Variants in VAT1L observed in about 807,000 individuals in gnomAD.
VAT1L encodes vesicle amine transport 1 like.
A neutral mutation model predicts 44.1 loss-of-function variants in VAT1L; 34 were observed. The ratio of observed to expected loss-of-function variants is 0.77; its 90% CI spans 0.59 to 1.03. The LOEUF (loss-of-function observed/expected upper bound fraction) is 1.03, where lower values mean the gene tolerates loss of function less well. Among genes scored for constraint, VAT1L ranks in the 50% least tolerant of loss-of-function variants. VAT1L has a pLI of 0.00. For synonymous variants in VAT1L, 253 were observed against 202.2 expected (o/e 1.25, Z -2.13); for missense variants, 615 against 538.8 (o/e 1.14, Z -1.40).
chr16:77,888,268 G>A (rs149932054), intron 7 of VAT1L, among the ~76,000 whole-genome samples: 1 of 152,090 alleles, frequency 6.6e-6, no homozygotes, highest in Admixed American at 6.5e-5. Context: ...TTATTTCTCA[G>A]CTTGCTTAGA....
chr16:77,969,947 T>C (rs2018261033), intron 7 of VAT1L, among the ~76,000 whole-genome samples: 1 of 149,736 alleles, frequency 6.7e-6, no homozygotes, highest in Non-Finnish European at 1.5e-5. Flanking sequence ...GCACAGTGGC[T>C]CATGCCTGTC....
intron 7 of VAT1L, among the ~76,000 whole-genome samples, chr16:77,970,768 G>C (rs2018270362): frequency 6.6e-6 from 1 of 152,210 alleles, no homozygotes; most frequent in Non-Finnish European, 1.5e-5. Context: ...CATTTTAATA[G>C]CTGTGTCAAG....
At position 77,884,413 on chromosome 16, in the gene VAT1L, ACT is replaced by A. The variant is rs1356259545; in HGVS notation, c.883-193_883-192del. 6.6e-6 allele frequency among the ~76,000 whole-genome samples: 1 copy of A among 151,640 alleles called. No homozygotes were observed. Among genetic ancestry groups the A allele is most frequent in the Non-Finnish European group, 1.5e-5 (1 of 67,910 alleles). On this transcript the variant is annotated intron_variant, in intron 6 of 8. Transcript: ENST00000302536. The surrounding 1 kb of genome is among the most constrained non-coding windows in gnomAD (Gnocchi z 4.5). ...ACTCCAGCCTGGGCTACAGAGTGAG[ACT>A]CCATCTCAAAAAATAAAAATAAAAA...
At chr16:77,969,667 A>G (rs2018258266) in intron 7 of VAT1L, among the ~76,000 whole-genome samples, 1 of 151,976 alleles carries the variant, frequency 6.6e-6, no homozygotes, top group African/African-American at 2.4e-5. Flanking sequence ...CTTTTGCTCT[A>G]TTCTGTTGCT....
chr16:77,827,788 G>A (rs2016540147), intron 3 of VAT1L, among the ~76,000 whole-genome samples: 1 of 152,004 alleles, frequency 6.6e-6, no homozygotes, highest in Non-Finnish European at 1.5e-5. Flanking sequence ...CTTTCTCTGT[G>A]GTTTCTCATA....
At chr16:77,804,994 A>T (rs983564580) in intron 1 of VAT1L, among the ~76,000 whole-genome samples, 3 of 152,140 alleles carry the variant, frequency 2.0e-5, no homozygotes, top group Non-Finnish European at 4.4e-5. Flanking sequence ...CTTATCTTAA[A>T]ATAGTGGTTA....
intron 8 of VAT1L, among the ~76,000 whole-genome samples, chr16:77,972,219 G>A (rs565491389): frequency 6.6e-6 from 1 of 152,262 alleles, no homozygotes; most frequent in East Asian, 1.9e-4. Flanking sequence ...GCTAGCTCTT[G>A]GGAGAAATTC....
Position 77,938,277 on chromosome 16 carries a change from G to A in VAT1L, c.1078-33573G>A, listed in dbSNP as rs1352060498. Among the ~76,000 whole-genome samples, 5 of 152,192 alleles carry A rather than the reference G, an allele frequency of 3.3e-5. No individual in the cohort carries two copies. In the East Asian group the frequency reaches 9.6e-4, roughly 29 times the overall value. ...TTGCCTGCTGGATCCTGATTCAACA[G>A]ATATTTATTGAATTCCAACTATTTA... On this transcript the variant is annotated intron_variant, in intron 7 of 8. Coordinates refer to ENST00000302536, the MANE Select transcript of VAT1L (RefSeq NM_020927.3).
intron 1 of VAT1L, among the ~76,000 whole-genome samples, chr16:77,789,597 AG>A (rs2015795686): frequency 1.3e-5 from 2 of 152,104 alleles, no homozygotes; most frequent in African/African-American, 2.4e-5. Context: ...AGGAAGGAAG[AG>A]GGTCGGTACC....
In VAT1L at chr16:77,884,659, G is replaced by C. The variant is rs1404293535; in HGVS notation, c.934G>C (p.Val312Leu). Residue 312 changes from valine (V) to leucine (L), a missense_variant, in exon 7 of 9, where the codon GTC becomes CTC. Val to Leu is a conservative substitution (Grantham distance 32, BLOSUM62 1). Transcript: ENST00000302536. This position sits in a 1 kb window ranked among gnomAD's most constrained non-coding sequence, Gnocchi z 4.5. The part of the protein sequence containing the change: ...NPIKLYEENK[V>L]IAGFSLLNLL... ...CATCAAGCTGTATGAGGAGAACAAA[G>C]TCATCGCGGGGTTTTCCCTTTTAAA... 6.2e-7 allele frequency: 1 copy of C among 1,613,576 alleles called. No individual in the cohort carries two copies. Among genetic ancestry groups the C allele is most frequent in the Non-Finnish European group, 8.5e-7 (1 of 1,179,840 alleles).
chr16:77,892,973 G>A (rs408084), intron 7 of VAT1L: 663,000 of 718,576 alleles, frequency 0.92, 307,175 homozygotes, highest in Non-Finnish European at 0.95. Flanking sequence ...AGCTCAGGAG[G>A]GTACCCTCCA....
chr16:77,881,171 G>A (rs941260579), intron 6 of VAT1L, among the ~76,000 whole-genome samples: 2 of 152,196 alleles, frequency 1.3e-5, no homozygotes, highest in Non-Finnish European at 2.9e-5. Context: ...CTCCCCAACA[G>A]GGGATTGCTG....
intron 7 of VAT1L, among the ~76,000 whole-genome samples, chr16:77,904,182 T>C (rs1047006700): frequency 6.9e-6 from 1 of 145,460 alleles, no homozygotes; most frequent in South Asian, 2.3e-4. Context: ...GTTACTGATT[T>C]GCTTTTTTTT....
chr16:77,889,721 T>C (rs1004773477), intron 7 of VAT1L, among the ~76,000 whole-genome samples: 1 of 152,214 alleles, frequency 6.6e-6, no homozygotes, highest in African/African-American at 2.4e-5. Context: ...AATTAGACAA[T>C]AACTTAGTAT....
In VAT1L at chr16:77,956,738, G is replaced by A. The variant is rs147908626; in HGVS notation, c.1078-15112G>A. Among the ~76,000 whole-genome samples, 21 of 152,260 alleles carry A rather than the reference G, an allele frequency of 1.4e-4. No individual in the cohort carries two copies. In the East Asian group the frequency reaches 2.9e-3, roughly 21 times the overall value. On this transcript the variant is annotated intron_variant, in intron 7 of 8. Transcript: ENST00000302536. ...GCTTTAGACAAAGTGGGGGAGAACC[G>A]GCTTTTGATAAGAACACTTTGGTTG...
chr16:77,940,487 G>GCA (rs1328606114), intron 7 of VAT1L, among the ~76,000 whole-genome samples: 1 of 151,854 alleles, frequency 6.6e-6, no homozygotes, highest in Non-Finnish European at 1.5e-5. Flanking sequence ...GGGATTACAG[G>GCA]CACGTGCTAC....
At chr16:77,791,178 G>A (rs1270191343) in intron 1 of VAT1L, among the ~76,000 whole-genome samples, 1 of 152,186 alleles carries the variant, frequency 6.6e-6, no homozygotes, top group Non-Finnish European at 1.5e-5. Context: ...CATGATCATT[G>A]ATTATAAGTT....
chr16:77,808,249 G>A (rs933220358), intron 1 of VAT1L, among the ~76,000 whole-genome samples: 2 of 152,068 alleles, frequency 1.3e-5, no homozygotes, highest in African/African-American at 4.8e-5. Context: ...GAGGGATCTA[G>A]GTTGTGTACT....
intron 3 of VAT1L, among the ~76,000 whole-genome samples, chr16:77,835,221 G>A (rs1398592288): frequency 6.6e-6 from 1 of 152,156 alleles, no homozygotes; most frequent in Admixed American, 6.5e-5. Flanking sequence ...GAACTAAGGA[G>A]AGCCCTGCCA....
Sources: gnomAD v4.1 joint callset for allele counts (sites outside exome capture counted in the v4.1 genomes callset) on GRCh38, gnomAD v4.1.1 for gene constraint, Gnocchi (gnomAD v3.1) non-coding constraint, MANE v1.5 for transcripts, NCBI Gene and HGNC (gene_info 2026-07-23, HGNC 2026-07-21) for gene names.